Variants in KCNC2 observed in about 807,000 individuals in gnomAD.
KCNC2 encodes the protein potassium voltage-gated channel subfamily C member 2.
KCNC2 carries 21 observed loss-of-function variants against 44.5 expected under a neutral mutation model. The observed-to-expected ratio is 0.47, with a 90% CI of 0.33 to 0.68. The LOEUF is 0.68. Ranked by LOEUF, KCNC2 falls within the 30% of genes least tolerant of loss-of-function variation. The pLI, the probability that KCNC2 is intolerant of heterozygous loss-of-function variation, is 0.01. For missense variants in KCNC2, 589 were observed against 826.2 expected (o/e 0.71, Z 3.52); for synonymous variants, 391 against 339.1 (o/e 1.15, Z -1.68).
intron 2 of KCNC2, among the ~76,000 whole-genome samples, chr12:75,080,602 C>T (rs1199370894): frequency 6.6e-6 from 1 of 152,034 alleles, no homozygotes; most frequent in Non-Finnish European, 1.5e-5. Context: ...TGGAATTGTA[C>T]CAAATGACAA....
chr12:75,122,033 C>G (rs1389377572), intron 2 of KCNC2, among the ~76,000 whole-genome samples: 3 of 152,138 alleles, frequency 2.0e-5, no homozygotes, highest in Non-Finnish European at 1.5e-5. Context: ...TTAGACCATA[C>G]AGTGACCTAG....
chr12:75,105,523 C>G (rs990438787), intron 2 of KCNC2, among the ~76,000 whole-genome samples: 2 of 152,038 alleles, frequency 1.3e-5, no homozygotes, highest in African/African-American at 4.8e-5. Context: ...AGGCAGGAGG[C>G]CCATTAGAAA....
chr12:75,144,456 G>A (rs1012642649), intron 2 of KCNC2, among the ~76,000 whole-genome samples: 1 of 152,154 alleles, frequency 6.6e-6, no homozygotes, highest in Non-Finnish European at 1.5e-5. Context: ...TCCAAAGTAT[G>A]CTTGTATAGG....
At chr12:75,148,355 C>G (rs1208693800) in intron 2 of KCNC2, among the ~76,000 whole-genome samples, 2 of 151,954 alleles carry the variant, frequency 1.3e-5, no homozygotes, top group Admixed American at 6.6e-5. Flanking sequence ...GACAACTATT[C>G]ATTCAAAATG....
chr12:75,063,300 C>T (rs1237898031), intron 2 of KCNC2, among the ~76,000 whole-genome samples: 2 of 151,934 alleles, frequency 1.3e-5, no homozygotes, highest in Non-Finnish European at 1.5e-5. Flanking sequence ...TGTTCAACTC[C>T]TATGTTGAGT....
At position 75,207,167 on chromosome 12, in the gene KCNC2, T is replaced by A. The variant is rs2031750897; in HGVS notation, c.687+130A>T. On this transcript the variant is annotated intron_variant, in intron 2 of 4. Coordinates refer to ENST00000549446, the MANE Select transcript of KCNC2 (RefSeq NM_139137.4). This position sits in a 1 kb window ranked among gnomAD's most constrained non-coding sequence, Gnocchi z 4.1. ...ACCCTGCAAAGGATGAGCCTCTAAC[T>A]GTATCGCTAGGAAATCCCGGGTCTC... 2.8e-6 allele frequency: 4 copies of A among 1,435,424 alleles called. No individual in the cohort carries two copies. Among genetic ancestry groups the A allele is most frequent in the Non-Finnish European group, 3.7e-6 (4 of 1,091,928 alleles). 88.9% of individuals were successfully genotyped at this position (1,435,424 alleles called of 1,614,324 possible).
intron 2 of KCNC2, among the ~76,000 whole-genome samples, chr12:75,053,776 A>G: frequency 6.8e-6 from 1 of 147,544 alleles, no homozygotes; most frequent in East Asian, 1.9e-4. Flanking sequence ...TAATTAAATA[A>G]TTATTTTTAT....
chr12:75,119,376 A>C (rs2137278655), intron 2 of KCNC2, among the ~76,000 whole-genome samples: 1 of 151,352 alleles, frequency 6.6e-6, no homozygotes, highest in East Asian at 1.9e-4. Context: ...TTTTCTCTCT[A>C]GTAGAGATCG....
intron 2 of KCNC2, among the ~76,000 whole-genome samples, chr12:75,064,174 T>C: frequency 6.6e-6 from 1 of 152,254 alleles, no homozygotes; most frequent in East Asian, 1.9e-4. Context: ...TGTCATGTAA[T>C]CTCAATTAAG....
At chr12:75,103,299 T>A (rs1200743781) in intron 2 of KCNC2, among the ~76,000 whole-genome samples, 1 of 152,194 alleles carries the variant, frequency 6.6e-6, no homozygotes, top group Non-Finnish European at 1.5e-5. Flanking sequence ...ACCCCCCTAT[T>A]TGTTAAGTAG....
intron 2 of KCNC2, among the ~76,000 whole-genome samples, chr12:75,166,020 T>C (rs1281733274): frequency 6.6e-6 from 1 of 151,364 alleles, no homozygotes; most frequent in Non-Finnish European, 1.5e-5. Flanking sequence ...AAGATATTCA[T>C]ATTCAAAGAA....
intron 2 of KCNC2, among the ~76,000 whole-genome samples, chr12:75,061,092 T>G (rs1882273126): frequency 6.6e-6 from 1 of 152,118 alleles, no homozygotes; most frequent in Non-Finnish European, 1.5e-5. Flanking sequence ...TGATAGAAAA[T>G]AAGCTTGTAA....
At chr12:75,048,910 G>T (rs574282857) in intron 3 of KCNC2, among the ~76,000 whole-genome samples, 1 of 152,198 alleles carries the variant, frequency 6.6e-6, no homozygotes, top group East Asian at 1.9e-4. Flanking sequence ...ATAAGTATCT[G>T]TTTACTTCTG....
chr12:75,072,694 AT>A lies in KCNC2; in HGVS notation c.688-21378del, dbSNP rs577121174. ...GGAGCTCTTTTATGGACCTCAAAAC[AT>A]TCTACAGAACTTGCTGAGTGCCTGG... On this transcript the variant is annotated intron_variant, in intron 2 of 4. Transcript: ENST00000549446. Among the ~76,000 whole-genome samples the A allele has an allele frequency of 7.9e-5, 12 of 152,284 alleles. 1 individual carries two copies. In the South Asian group the frequency reaches 2.5e-3, roughly 32 times the overall value.
chr12:75,207,486 C>T lies in KCNC2; in HGVS notation c.498G>A (p.Leu166=), dbSNP rs1010313760. 6.2e-7 allele frequency: 1 copy of T among 1,612,456 alleles called. No individual in the cohort carries two copies. Among genetic ancestry groups the T allele is most frequent in the African/African-American group, 1.3e-5 (1 of 74,866 alleles). The change falls in exon 2 of 5, where the codon CTG becomes CTA. Residue 166 remains leucine, a synonymous_variant. Transcript: ENST00000549446. The surrounding 1 kb of genome is among the most constrained non-coding windows in gnomAD (Gnocchi z 4.1). ...TGAGGTCGGGGGTCTCGAAGATGTC[C>T]AGCGCCTCCTCGGCGTCGCGGTGCT... ...YRQHRDAEEA[L]DIFETPDLIG...
rs78961680 is a variant in KCNC2 at position 75,063,976 on chromosome 12, C to G, written c.688-12659G>C. Reference sequence around the variant, plus strand: ...CACATTAACTTGGATGATTTTAAAACTTTACCACAAAAAATCAGGTAATTT... The same window carrying G: ...CACATTAACTTGGATGATTTTAAAAGTTTACCACAAAAAATCAGGTAATTT... On this transcript the variant is annotated intron_variant, in intron 2 of 4. Coordinates refer to ENST00000549446, the MANE Select transcript of KCNC2 (RefSeq NM_139137.4). 1.5e-3 allele frequency among the ~76,000 whole-genome samples: 234 copies of G among 152,138 alleles called. 2 individuals are homozygous for G. Among genetic ancestry groups the G allele is most frequent in the African/African-American group, 5.4e-3 (226 of 41,548 alleles).
chr12:75,159,639 G>A (rs1313651859), intron 2 of KCNC2, among the ~76,000 whole-genome samples: 1 of 151,858 alleles, frequency 6.6e-6, no homozygotes, highest in African/African-American at 2.4e-5. Flanking sequence ...GCTGGACTAG[G>A]AGGTTTAACA....
intron 2 of KCNC2, among the ~76,000 whole-genome samples, chr12:75,165,125 G>T (rs1891362168): frequency 1.3e-5 from 2 of 151,596 alleles, no homozygotes; most frequent in African/African-American, 2.4e-5. Context: ...ATTCTAAGGA[G>T]AACTGATAGA....
rs201311488 is a variant in KCNC2, at chr12:75,207,747, C to T, written c.237G>A (p.Glu79=). 9.6e-6 allele frequency: 15 copies of T among 1,567,604 alleles called. No homozygotes were observed. The highest frequency in any genetic ancestry group is 1.3e-5 in the Non-Finnish European group (15 of 1,156,772). The change falls in exon 2 of 5, where the codon GAG becomes GAA. Residue 79 remains glutamate (E), a synonymous_variant. Coordinates refer to ENST00000549446, the MANE Select transcript of KCNC2 (RefSeq NM_139137.4). The surrounding 1 kb of genome is among the most constrained non-coding windows in gnomAD (Gnocchi z 4.1). The part of the protein sequence containing the change: ...PLSPGPGGCF[E]GGAGNCSSRG... ...GGGAACTGCAGTTGCCCGCGCCGCC[C>T]TCGAAGCAGCCGCCTGGCCCGGGGG...
Sources: allele counts gnomAD v4.1 joint callset (sites outside exome capture counted in the v4.1 genomes callset), GRCh38; gene constraint gnomAD v4.1.1; non-coding constraint Gnocchi (gnomAD v3.1); transcripts MANE v1.5; gene names NCBI Gene and HGNC (gene_info 2026-07-23, HGNC 2026-07-21).